Variants in KHK observed in about 807,000 individuals in gnomAD.
KHK encodes ketohexokinase.
A neutral mutation model predicts 36.0 loss-of-function variants in KHK; 37 were observed. The observed-to-expected ratio is 1.03, with a 90% CI of 0.79 to 1.35. KHK has a LOEUF of 1.35. Ranked by LOEUF, KHK falls within the 40% of genes most tolerant of loss-of-function variation. KHK has a pLI of 0.00. For synonymous variants in KHK, 161 were observed against 162.8 expected (o/e 0.99, Z 0.08); for missense variants, 395 against 391.9 (o/e 1.01, Z -0.07).
rs766745093 is a variant in KHK, at chr2:27,096,700, TTC to T, written c.345-25_345-24del. 3.1e-6 allele frequency: 5 copies of T among 1,596,286 alleles called. No homozygotes were observed. The Admixed American group carries it at 5.0e-5, about 16-fold the overall frequency. ...CTGCCTGACCCCATCATGCTCCTTC[TTC>T]TCTGTCTTTTCCATCCTGTGACCTA... On this transcript the variant is annotated intron_variant, in intron 3 of 7. Transcript: ENST00000260598.
At chr2:27,092,240 C>A in intron 1 of KHK, 92 bp from the exon 2 acceptor site, 1 of 992,530 alleles carries the variant, frequency 1.0e-6, no homozygotes, top group Non-Finnish European at 1.6e-6. Context: ...TGAGAGGAGT[C>A]CCCAGCTGTT....
intron 1 of KHK, among the ~76,000 whole-genome samples, chr2:27,089,822 C>A (rs1244903909): frequency 6.6e-6 from 1 of 152,204 alleles, no homozygotes; most frequent in Non-Finnish European, 1.5e-5. Flanking sequence ...GGAGCCGCCA[C>A]CTGGAGCTCA....
intron 4 of KHK, among the ~76,000 whole-genome samples, chr2:27,097,034 A>C (rs1396507325): frequency 6.6e-6 from 1 of 152,210 alleles, no homozygotes; most frequent in Non-Finnish European, 1.5e-5. Context: ...GCTCCAGGCA[A>C]AGTCCTGTGC....
chr2:27,088,364 C>T (rs1669789700), intron 1 of KHK, among the ~76,000 whole-genome samples: 1 of 152,060 alleles, frequency 6.6e-6, no homozygotes, highest in Non-Finnish European at 1.5e-5. Context: ...GCTTTGGCCT[C>T]TCAAAGTACT....
At chr2:27,099,378 A>T (rs1670634694) in intron 6 of KHK, 42 bp from the exon 7 acceptor site, 1 of 1,610,982 alleles carries the variant, frequency 6.2e-7, no homozygotes, top group Non-Finnish European at 8.5e-7. Flanking sequence ...GGCTGGGGGG[A>T]CGGGGTGGGC....
At chr2:27,097,882 G>A (rs1670482847) in intron 5 of KHK, among the ~76,000 whole-genome samples, 1 of 152,170 alleles carries the variant, frequency 6.6e-6, no homozygotes, top group Non-Finnish European at 1.5e-5. Flanking sequence ...TGGGTGCATA[G>A]GTGTAAGAAT....
At chr2:27,087,572 C>T (rs920205966) in intron 1 of KHK, among the ~76,000 whole-genome samples, 8 of 152,170 alleles carry the variant, frequency 5.3e-5, no homozygotes, top group African/African-American at 1.9e-4. Flanking sequence ...TTAATAGCAT[C>T]GTGTTAGCCA....
chr2:27,099,914 G>T lies in KHK; in HGVS notation c.*164G>T, dbSNP rs565438453. ...TGTGTTCCCCACAGGGAGAGGCTCT[G>T]GGGGGATGGCTGGGGGATGCAGAGC... On this transcript the variant is annotated 3_prime_UTR_variant, in exon 8 of 8. Transcript: ENST00000260598. 7.4e-6 allele frequency: 11 copies of T among 1,490,578 alleles called. No individual in the cohort carries two copies. The African/African-American group carries it at 1.4e-4, about 19-fold the overall frequency. 92.3% of individuals were successfully genotyped at this position (1,490,578 alleles called of 1,614,324 possible).
Position 27,096,759 on chromosome 2 carries a change from T to G in KHK, c.375T>G (p.Phe125Leu). The G allele has an allele frequency of 6.2e-7, 1 of 1,614,112 alleles. No homozygotes were observed. The highest frequency in any genetic ancestry group is 8.5e-7 in the Non-Finnish European group (1 of 1,179,998). ...TGCCAGATGTGTCTGCTACAGACTTTGAGAAGGTTGATCTGACCCAGTTCA... is the reference window on the plus strand; with the variant it reads ...TGCCAGATGTGTCTGCTACAGACTTGGAGAAGGTTGATCTGACCCAGTTCA... The part of the protein sequence containing the change: ...TSLPDVSATD[F>L]EKVDLTQFKW... Residue 125 changes from phenylalanine to leucine, a missense_variant, in exon 4 of 8, where the codon TTT becomes TTG. Transcript: ENST00000260598.
chr2:27,092,632 G>A (rs960767080), intron 2 of KHK, among the ~76,000 whole-genome samples, 184 bp downstream of exon 2: 2 of 152,222 alleles, frequency 1.3e-5, no homozygotes, highest in African/African-American at 2.4e-5. Context: ...TCTGCGGTTC[G>A]GGGGCTGATG....
chr2:27,094,695 C>T lies in KHK; in HGVS notation c.210-105C>T, dbSNP rs558348945. The stretch of plus-strand genomic sequence containing the variant: ...CAGGACTCTTCTTCTCTTAGAGGCT[C>T]GTGTGCTCCAGCACCCTCTCCCCAC... On this transcript the variant is annotated intron_variant, in intron 2 of 7. Coordinates refer to ENST00000260598, the MANE Select transcript of KHK (RefSeq NM_006488.3). 535 of 1,612,556 alleles carry T rather than the reference C, an allele frequency of 3.3e-4. 1 individual carries two copies. The African/African-American group carries it at 4.3e-3, about 13-fold the overall frequency.
At chr2:27,089,660 G>T (rs190294951) in intron 1 of KHK, among the ~76,000 whole-genome samples, 1 of 152,084 alleles carries the variant, frequency 6.6e-6, no homozygotes, top group Non-Finnish European at 1.5e-5. Context: ...TGCCTTCCCC[G>T]CAGCCCCATG....
chr2:27,092,113 T>C (rs1453239142), intron 1 of KHK, among the ~76,000 whole-genome samples: 1 of 152,236 alleles, frequency 6.6e-6, no homozygotes, highest in African/African-American at 2.4e-5. Context: ...AAGGAACTGC[T>C]GTCAGCTTGA....
chr2:27,086,976 T>G lies in KHK; in HGVS notation c.-284T>G. 2.6e-6 allele frequency: 1 copy of G among 384,048 alleles called. No individual in the cohort carries two copies. The allele number at this position is 384,048 out of a possible 1,614,324, so 23.8% of individuals were successfully genotyped here. A position where few individuals can be genotyped will look rare whatever the true frequency, so the allele number is the denominator to read the frequency against. Reference sequence around the variant, plus strand: ...ACTAAGGCTGAGAAGTGGGAGGCGTTGCCATCTGCAGGCCCAGGCAACCTG... The same window carrying G: ...ACTAAGGCTGAGAAGTGGGAGGCGTGGCCATCTGCAGGCCCAGGCAACCTG... On this transcript the variant is annotated 5_prime_UTR_variant, in exon 1 of 8. Coordinates refer to ENST00000260598, the MANE Select transcript of KHK (RefSeq NM_006488.3).
chr2:27,097,030 G>A (rs1164415842), intron 4 of KHK, among the ~76,000 whole-genome samples: 1 of 152,222 alleles, frequency 6.6e-6, no homozygotes, highest in Admixed American at 6.5e-5. Context: ...GCTGGCTCCA[G>A]GCAAAGTCCT....
At chr2:27,096,104 C>T (rs1173019639) in intron 3 of KHK, among the ~76,000 whole-genome samples, 1 of 152,190 alleles carries the variant, frequency 6.6e-6, no homozygotes, top group African/African-American at 2.4e-5. Flanking sequence ...TGGAAGGACT[C>T]GGCTACAGAA....
Position 27,087,035 on chromosome 2 carries a change from T to C in KHK, c.-225T>C, listed in dbSNP as rs1196421756. On this transcript the variant is annotated 5_prime_UTR_variant, in exon 1 of 8. Transcript: ENST00000260598. ...AGACCGGGGACCAAGACCTCTGGGT[T>C]GGCTTTCCTAGACCCGCTCGGGTCT... is the stretch of plus-strand genomic sequence containing the variant. 1 of 474,468 alleles carries C rather than the reference T, an allele frequency of 2.1e-6. No homozygotes were observed. The highest frequency in any genetic ancestry group is 3.8e-6 in the Non-Finnish European group (1 of 263,214). 29.4% of individuals were successfully genotyped at this position (474,468 alleles called of 1,614,324 possible).
intron 1 of KHK, among the ~76,000 whole-genome samples, chr2:27,089,939 G>A (rs1478290692): frequency 2.0e-5 from 3 of 152,156 alleles, no homozygotes; most frequent in African/African-American, 7.2e-5. Context: ...TGCAACCTCC[G>A]CCTCCAGAGT....
rs748064599 is a variant in KHK at position 27,097,552 on chromosome 2, A to T, written c.467A>T (p.His156Leu). ...AAGATGCTGCAGCGGATAGACGCAC[A>T]CAACACCAGGCAGCCTCCAGAGCAG... ...QVKMLQRIDA[H>L]NTRQPPEQKI... The change falls in exon 5 of 8, where the codon CAC becomes CTC. Residue 156 changes from histidine (H) to leucine (L), a missense_variant. Coordinates refer to ENST00000260598, the MANE Select transcript of KHK (RefSeq NM_006488.3). 4 of 1,613,882 alleles carry T rather than the reference A, an allele frequency of 2.5e-6. No individual in the cohort carries two copies. The East Asian group carries it at 6.7e-5, about 27-fold the overall frequency.
Sources: gnomAD v4.1 joint callset for allele counts (sites outside exome capture counted in the v4.1 genomes callset) on GRCh38, gnomAD v4.1.1 for gene constraint, MANE v1.5 for transcripts, NCBI Gene and HGNC (gene_info 2026-07-23, HGNC 2026-07-21) for gene names.